Variants in GRID2 observed in about 807,000 individuals in gnomAD.
GRID2 encodes the protein glutamate ionotropic receptor delta type subunit 2, also known as glutamate receptor ionotropic, delta-2.
In GRID2, 33 loss-of-function variants were observed where a neutral mutation model predicts 114.8. That is an observed-to-expected ratio of 0.29 (90% CI 0.22 to 0.38). GRID2 has a LOEUF of 0.38. GRID2 is among the 10% of genes least tolerant of loss of function. The probability of loss-of-function intolerance (pLI) is 1.00; values close to 1 mark genes in which losing one functional copy is unlikely to be tolerated. For missense variants in GRID2, 1,184 were observed against 1,257.7 expected (o/e 0.94, Z 0.89); for synonymous variants, 505 against 449.9 (o/e 1.12, Z -1.55).
intron 9 of GRID2, among the ~76,000 whole-genome samples, chr4:93,416,194 T>A (rs1171059817): frequency 6.6e-6 from 1 of 152,052 alleles, no homozygotes; most frequent in Non-Finnish European, 1.5e-5. Flanking sequence ...TATCTCCTTT[T>A]AACAAATTCC....
At chr4:93,108,457 C>T (rs183525867) in intron 3 of GRID2, among the ~76,000 whole-genome samples, 1 of 152,186 alleles carries the variant, frequency 6.6e-6, no homozygotes, top group African/African-American at 2.4e-5. Context: ...AATAAGTAAT[C>T]TGAAACTTTA....
At chr4:93,121,679 C>T (rs527695743) in intron 4 of GRID2, among the ~76,000 whole-genome samples, 11 of 152,090 alleles carry the variant, frequency 7.2e-5, no homozygotes, top group East Asian at 5.8e-4. Flanking sequence ...TCAAGGAGTA[C>T]GCATAAGGCA....
intron 8 of GRID2, among the ~76,000 whole-genome samples, chr4:93,244,335 G>C (rs990612811): frequency 1.3e-5 from 2 of 151,580 alleles, no homozygotes; most frequent in Non-Finnish European, 2.9e-5. Context: ...TAAAATGTAC[G>C]TCAGAGATAT....
At chr4:93,251,140 T>C (rs1748873896) in intron 8 of GRID2, among the ~76,000 whole-genome samples, 1 of 152,168 alleles carries the variant, frequency 6.6e-6, no homozygotes, top group South Asian at 2.1e-4. Context: ...GGAAAATGAA[T>C]GGAATAACAT....
chr4:93,651,068 C>G (rs1334178718), intron 14 of GRID2, among the ~76,000 whole-genome samples: 2 of 152,148 alleles, frequency 1.3e-5, no homozygotes, highest in Non-Finnish European at 2.9e-5. Flanking sequence ...AACTGGCTAC[C>G]TCTAGGACAC....
In GRID2 at chr4:92,790,527, C is replaced by T. The variant is rs138513492; in HGVS notation, c.244+200241C>T. On this transcript the variant is annotated intron_variant, in intron 2 of 15. Coordinates refer to ENST00000282020, the MANE Select transcript of GRID2 (RefSeq NM_001510.4). ...ATTTCCTGGGTTCAAGTGATTCTCT[C>T]ACCTCACCTGTCCAAGTAGTTGGGA... 4.4e-4 allele frequency among the ~76,000 whole-genome samples: 67 copies of T among 151,788 alleles called. No homozygotes were observed. The East Asian group carries it at 0.013, about 29-fold the overall frequency.
At chr4:92,548,055 C>T (rs1227850759) in intron 1 of GRID2, among the ~76,000 whole-genome samples, 1 of 151,990 alleles carries the variant, frequency 6.6e-6, no homozygotes, top group African/African-American at 2.4e-5. Flanking sequence ...AAAATGTATA[C>T]ATCTAGAATG....
chr4:93,088,725 A>T (rs1049354891), intron 3 of GRID2, among the ~76,000 whole-genome samples: 1 of 152,130 alleles, frequency 6.6e-6, no homozygotes, highest in Admixed American at 6.6e-5. Context: ...CTAGAATGAG[A>T]TATCATGTCA....
At chr4:92,561,746 G>C (rs1450501) in intron 1 of GRID2, among the ~76,000 whole-genome samples, 2 of 152,076 alleles carry the variant, frequency 1.3e-5, no homozygotes, top group African/African-American at 4.8e-5. Flanking sequence ...TTGAATGCCC[G>C]ATGTCATTAT....
At chr4:93,163,529 G>A (rs1436319186) in intron 4 of GRID2, among the ~76,000 whole-genome samples, 1 of 148,822 alleles carries the variant, frequency 6.7e-6, no homozygotes, top group Non-Finnish European at 1.5e-5. Context: ...CTTCCAAAGT[G>A]CTGGGATTAC....
At chr4:93,663,691 T>A (rs948479716) in intron 14 of GRID2, among the ~76,000 whole-genome samples, 1 of 152,128 alleles carries the variant, frequency 6.6e-6, no homozygotes, top group Non-Finnish European at 1.5e-5. Flanking sequence ...ATATCATCAG[T>A]GTTATTATGG....
chr4:92,563,476 T>TC (rs1182901195), intron 1 of GRID2, among the ~76,000 whole-genome samples: 3 of 152,258 alleles, frequency 2.0e-5, no homozygotes, highest in South Asian at 4.1e-4. Flanking sequence ...ACTATTTTTT[T>TC]CTCTAAGAGC....
chr4:93,611,135 G>A (rs1205100018), intron 13 of GRID2, among the ~76,000 whole-genome samples: 4 of 107,556 alleles, frequency 3.7e-5, no homozygotes, highest in African/African-American at 1.7e-4. Flanking sequence ...ATGGTAGTTT[G>A]TATTTCTGTG....
At chr4:92,371,122 A>G (rs1729097104) in intron 1 of GRID2, among the ~76,000 whole-genome samples, 1 of 152,198 alleles carries the variant, frequency 6.6e-6, no homozygotes. Context: ...AAGAAAACTT[A>G]GAAGCTAGCA....
At chr4:93,215,581 G>T (rs1478502818) in intron 5 of GRID2, among the ~76,000 whole-genome samples, 1 of 151,942 alleles carries the variant, frequency 6.6e-6, no homozygotes, top group Non-Finnish European at 1.5e-5. Context: ...GGAACATTAA[G>T]GATTGATTAA....
At chr4:93,787,341 A>G (rs552452639) in intron 1 of GRID2, among the ~76,000 whole-genome samples, 7 of 152,304 alleles carry the variant, frequency 4.6e-5, no homozygotes, top group African/African-American at 1.7e-4. Context: ...CAGGCTGAAT[A>G]AGGCCAATAG....
At chr4:92,330,555 T>C (rs13121565) in intron 1 of GRID2, among the ~76,000 whole-genome samples, 9,892 of 152,182 alleles carry the variant, frequency 0.065, 367 homozygotes, top group Middle Eastern at 0.13. Context: ...GAAAGAAGAA[T>C]GCTTAGATAA....
At chr4:93,073,283 C>T (rs1728969201) in intron 2 of GRID2, among the ~76,000 whole-genome samples, 1 of 152,196 alleles carries the variant, frequency 6.6e-6, no homozygotes. Context: ...GTTTGACTGG[C>T]ATTTCAGACA....
intron 14 of GRID2, among the ~76,000 whole-genome samples, chr4:93,757,325 C>A (rs1381725344): frequency 6.6e-6 from 1 of 152,240 alleles, no homozygotes; most frequent in Admixed American, 6.5e-5. Flanking sequence ...TATTCATGCT[C>A]AGTCTCAGGG....
Sources: gnomAD v4.1 joint callset for allele counts (sites outside exome capture counted in the v4.1 genomes callset) on GRCh38, gnomAD v4.1.1 for gene constraint, MANE v1.5 for transcripts, NCBI Gene and HGNC (gene_info 2026-07-23, HGNC 2026-07-21) for gene names.